TUSC3: variants seen among roughly 807,000 people sequenced by gnomAD.
TUSC3 encodes the protein tumor suppressor candidate 3.
A neutral mutation model predicts 44.8 loss-of-function variants in TUSC3; 45 were observed. The observed-to-expected ratio is 1.00, with a 90% CI of 0.79 to 1.29. The LOEUF (loss-of-function observed/expected upper bound fraction) is 1.29, where lower values mean the gene tolerates loss of function less well. TUSC3 is among the 50% of genes most tolerant of loss of function. The probability of loss-of-function intolerance (pLI) is 0.00; values close to 1 mark genes in which losing one functional copy is unlikely to be tolerated. For synonymous variants in TUSC3, 212 were observed against 152.9 expected, an observed-to-expected ratio of 1.39 and a Z score of -2.85; for missense variants, 519 against 437.9, an observed-to-expected ratio of 1.19 and a Z score of -1.65.
chr8:15,616,463 T>A (rs1804991595), intron 1 of TUSC3, among the ~76,000 whole-genome samples: 1 of 152,132 alleles, frequency 6.6e-6, no homozygotes, highest in Non-Finnish European at 1.5e-5. Context: ...CTGTAATCAG[T>A]CTACTCGGGA....
intron 9 of TUSC3, among the ~76,000 whole-genome samples, chr8:15,754,026 T>C (rs967742542): frequency 2.6e-5 from 4 of 152,030 alleles, no homozygotes; most frequent in Admixed American, 1.3e-4. Context: ...TAGCACCACG[T>C]TGTTAAAGAA....
intron 2 of TUSC3, among the ~76,000 whole-genome samples, chr8:15,483,649 ATT>A (rs60092911): frequency 0.016 from 1,049 of 66,110 alleles, 19 homozygotes; most frequent in African/African-American, 0.048. Context: ...TAGCACTGTG[ATT>A]TTTTTTTTTT....
intron 9 of TUSC3, chr8:15,748,830 CTT>C: frequency 2.2e-6 from 1 of 454,032 alleles, no homozygotes; most frequent in Non-Finnish European, 4.3e-6. Context: ...GTCTAATAAA[CTT>C]TGTATTATCT....
chr8:15,837,787 G>C, the TUSC3 span, among the ~76,000 whole-genome samples: 1,881 of 152,146 alleles, frequency 0.012, 18 homozygotes, highest in Middle Eastern at 0.02. Flanking sequence ...CCATTTTCTG[G>C]TGAGTATTCT....
At chr8:15,706,269 GT>G (rs1256717099) in intron 6 of TUSC3, among the ~76,000 whole-genome samples, 5 of 151,222 alleles carry the variant, frequency 3.3e-5, no homozygotes, top group Non-Finnish European at 7.4e-5. Flanking sequence ...GTCTAATAGT[GT>G]TAATTCTTTG....
At chr8:15,825,704 G>A in the TUSC3 span, among the ~76,000 whole-genome samples, 3 of 152,058 alleles carry the variant, frequency 2.0e-5, no homozygotes, top group Non-Finnish European at 4.4e-5. Flanking sequence ...GAAGTGTTAC[G>A]TATAATGTGA....
the TUSC3 span, among the ~76,000 whole-genome samples, chr8:15,790,042 G>C: frequency 2.6e-5 from 4 of 152,102 alleles, no homozygotes; most frequent in Non-Finnish European, 4.4e-5. Flanking sequence ...GTGGGCTGTT[G>C]GCAGCCGTAT....
the TUSC3 span, among the ~76,000 whole-genome samples, chr8:15,835,724 A>C: frequency 6.6e-6 from 1 of 152,144 alleles, no homozygotes. Context: ...CTCTACTTTC[A>C]GTGTGTATGG....
intron 1 of TUSC3, among the ~76,000 whole-genome samples, chr8:15,566,216 A>C (rs571957773): frequency 8.3e-4 from 127 of 152,268 alleles, no homozygotes; most frequent in African/African-American, 2.9e-3. Context: ...CCATGACTAG[A>C]CTAAAACATA....
At chr8:15,811,541 A>C in the TUSC3 span, among the ~76,000 whole-genome samples, 1 of 152,218 alleles carries the variant, frequency 6.6e-6, no homozygotes. Flanking sequence ...GTCAAGCTGT[A>C]TTTGCAGAGA....
chr8:15,850,432 T>A, the TUSC3 span, among the ~76,000 whole-genome samples: 3 of 152,194 alleles, frequency 2.0e-5, no homozygotes, highest in Non-Finnish European at 4.4e-5. Context: ...TGCTGACATT[T>A]ATATAATTAT....
At chr8:15,736,567 C>A (rs986254297) in intron 7 of TUSC3, among the ~76,000 whole-genome samples, 1 of 152,074 alleles carries the variant, frequency 6.6e-6, no homozygotes, top group Non-Finnish European at 1.5e-5. Context: ...AATCTTAAAT[C>A]TGCTTTTCTT....
At chr8:15,675,527 G>A (rs1054063993) in intron 6 of TUSC3, among the ~76,000 whole-genome samples, 4 of 151,870 alleles carry the variant, frequency 2.6e-5, no homozygotes, top group Non-Finnish European at 5.9e-5. Flanking sequence ...TAATACTAAG[G>A]ATTGGGGTAT....
intron 5 of TUSC3, among the ~76,000 whole-genome samples, chr8:15,668,293 C>G (rs1178712517): frequency 6.6e-6 from 1 of 151,464 alleles, no homozygotes; most frequent in Non-Finnish European, 1.5e-5. Flanking sequence ...ATGGCTGGGA[C>G]TAGTACATTT....
the TUSC3 span, among the ~76,000 whole-genome samples, chr8:15,796,081 A>C: frequency 6.6e-6 from 1 of 152,158 alleles, no homozygotes; most frequent in Non-Finnish European, 1.5e-5. Context: ...TTCTGGCAGG[A>C]GTCCCAGGTC....
intron 1 of TUSC3, among the ~76,000 whole-genome samples, chr8:15,569,450 A>C (rs1002928376): frequency 8.5e-5 from 13 of 152,126 alleles, no homozygotes; most frequent in African/African-American, 1.4e-4. Context: ...TACACACACA[A>C]AGTTTATTTA....
intron 1 of TUSC3, among the ~76,000 whole-genome samples, chr8:15,441,495 A>G (rs1800019997): frequency 1.3e-5 from 2 of 152,340 alleles, no homozygotes; most frequent in East Asian, 1.9e-4. Context: ...GCCCCAAACA[A>G]TATCAGTGAT....
At chr8:15,636,284 A>G (rs1806071501) in intron 2 of TUSC3, among the ~76,000 whole-genome samples, 1 of 152,156 alleles carries the variant, frequency 6.6e-6, no homozygotes, top group African/African-American at 2.4e-5. Context: ...CCACTGGGCC[A>G]TTAACTTTGA....
At chr8:15,532,851 G>A (rs886763436) in intron 2 of TUSC3, among the ~76,000 whole-genome samples, 1 of 152,098 alleles carries the variant, frequency 6.6e-6, no homozygotes, top group Non-Finnish European at 1.5e-5. Context: ...GGAGTGCAAT[G>A]GCACGATCTC....
Sources: gnomAD v4.1 joint callset for allele counts (sites outside exome capture counted in the v4.1 genomes callset) on GRCh38, gnomAD v4.1.1 for gene constraint, MANE v1.5 for transcripts, NCBI Gene and HGNC (gene_info 2026-07-23, HGNC 2026-07-21) for gene names.